Variants in ZNF737 observed in about 807,000 individuals in gnomAD.
ZNF737 encodes the protein zinc finger protein 737, also known as zinc finger protein 102 (Y3).
ZNF737 carries 13 observed loss-of-function variants against 11.7 expected under a neutral mutation model. The ratio of observed to expected loss-of-function variants is 1.11; its 90% CI spans 0.73 to 1.77. The LOEUF (loss-of-function observed/expected upper bound fraction) is 1.77. Ranked by LOEUF, ZNF737 falls within the 40% of genes most tolerant of loss-of-function variation. The probability of loss-of-function intolerance (pLI) is 0.00; values close to 1 mark genes in which losing one functional copy is unlikely to be tolerated. For missense variants in ZNF737, 636 were observed against 638.0 expected (o/e 1.00, Z 0.03); for synonymous variants, 217 against 216.2 (o/e 1.00, Z -0.03).
chr19:20,538,533 T>C lies in ZNF737; in HGVS notation c.*6059A>G. The C allele has an allele frequency of 2.4e-6, 1 of 424,880 alleles. No homozygotes were observed. Among genetic ancestry groups the C allele is most frequent in the Non-Finnish European group, 3.1e-6 (1 of 317,508 alleles). 26.3% of individuals were successfully genotyped at this position (424,880 alleles called of 1,614,324 possible). On this transcript the variant is annotated 3_prime_UTR_variant, in exon 4 of 4. Coordinates refer to ENST00000427401, the MANE Select transcript of ZNF737 (RefSeq NM_001159293.2). ...ATGACTCTGTCTCCTCTGTTCAGTG[T>C]ACTCGTGGCAAAACTGCTTTCTGCA...
rs782147816 is a variant in ZNF737 at position 20,544,766 on chromosome 19, T to C, written c.1437A>G (p.Lys479=). ...TAHKRIHTGE[K]PYKCERCGKA... is the part of the protein sequence containing the mutation. Reference sequence around the variant, plus strand: ...TGCCACATCGTTCACATTTGTAGGGTTTCTCTCCAGTATGAATTCTCTTAT... The same window carrying C: ...TGCCACATCGTTCACATTTGTAGGGCTTCTCTCCAGTATGAATTCTCTTAT... Residue 479 remains lysine, a synonymous_variant, in exon 4 of 4, where the codon AAA becomes AAG. Transcript: ENST00000427401. 42 of 1,609,162 alleles carry C rather than the reference T, an allele frequency of 2.6e-5. No individual in the cohort carries two copies. The East Asian group carries it at 2.7e-4, about 10-fold the overall frequency.
rs532145178 is a variant in ZNF737 at position 20,538,847 on chromosome 19, G to C, written c.*5745C>G. 110 of 984,736 alleles carry C rather than the reference G, an allele frequency of 1.1e-4. No individual in the cohort carries two copies. Among genetic ancestry groups the C allele is most frequent in the Non-Finnish European group, 1.3e-4 (106 of 829,460 alleles). The allele number at this position is 984,736 out of a possible 1,614,324, so 61.0% of individuals were successfully genotyped here. On this transcript the variant is annotated 3_prime_UTR_variant, in exon 4 of 4. Transcript: ENST00000427401. ...TATTTTTTAGCAACTAATGGCATCT[G>C]TTACCCATTAATTTTATACATTTGC...
chr19:20,534,482 T>TATC (rs1230920101), downstream of ZNF737, among the ~76,000 whole-genome samples: 10 of 149,614 alleles, frequency 6.7e-5, no homozygotes, highest in Middle Eastern at 3.6e-3. Flanking sequence ...TCTATCTATC[T>TATC]ATCTATCTAC....
downstream of ZNF737, among the ~76,000 whole-genome samples, chr19:20,536,683 T>C (rs1253826243): frequency 6.6e-6 from 1 of 152,206 alleles, no homozygotes; most frequent in East Asian, 1.9e-4. Context: ...GGCTCACGCC[T>C]GTAATCCCAG....
intron 2 of ZNF737, among the ~76,000 whole-genome samples, chr19:20,553,015 A>ACCCC (rs1568432531): frequency 1.0e-4 from 15 of 148,026 alleles, no homozygotes; most frequent in African/African-American, 3.0e-4. Flanking sequence ...CTGTCCCCGA[A>ACCCC]AAAAAAAAAA....
At chr19:20,558,567 C>CT (rs1968973244) in intron 1 of ZNF737, among the ~76,000 whole-genome samples, 1 of 152,126 alleles carries the variant, frequency 6.6e-6, no homozygotes, top group African/African-American at 2.4e-5. Context: ...GTCTCCAGAT[C>CT]TTTTCCTTCT....
At position 20,539,057 on chromosome 19, in the gene ZNF737, A is replaced by G; in HGVS notation, c.*5535T>C. ...ATGCCTGTAATCCCAGCACTCTGGG[A>G]GGCTGAGGTGGATGGATCACCTGAG... On this transcript the variant is annotated 3_prime_UTR_variant, in exon 4 of 4. Transcript: ENST00000427401. The G allele has an allele frequency of 1.1e-6, 1 of 940,246 alleles. No homozygotes were observed. Among genetic ancestry groups the G allele is most frequent in the Non-Finnish European group, 1.3e-6 (1 of 788,962 alleles). 58.2% of individuals were successfully genotyped at this position (940,246 alleles called of 1,614,324 possible).
In ZNF737 at chr19:20,543,737, G is replaced by T. The variant is rs1968313263; in HGVS notation, c.*855C>A. 11 of 985,200 alleles carry T rather than the reference G, an allele frequency of 1.1e-5. No homozygotes were observed. Among genetic ancestry groups the T allele is most frequent in the Non-Finnish European group, 1.3e-5 (11 of 829,852 alleles). The allele number at this position is 985,200 out of a possible 1,614,324, so 61.0% of individuals were successfully genotyped here. On this transcript the variant is annotated 3_prime_UTR_variant, in exon 4 of 4. Transcript: ENST00000427401. Reference sequence around the variant, plus strand: ...TTCACACTAGTATAATTATTGTTATGTGTAGAGAAGTTGGAGGTGTTCGTA... The same window carrying T: ...TTCACACTAGTATAATTATTGTTATTTGTAGAGAAGTTGGAGGTGTTCGTA...
Position 20,539,781 on chromosome 19 carries a change from A to C in ZNF737, c.*4811T>G. The C allele has an allele frequency of 8.1e-6, 8 of 985,432 alleles. No homozygotes were observed. The highest frequency in any genetic ancestry group is 1.7e-5 in the African/African-American group (1 of 57,366). The allele number at this position is 985,432 out of a possible 1,614,324, so 61.0% of individuals were successfully genotyped here. A position where few individuals can be genotyped will look rare whatever the true frequency, so the allele number is the denominator to read the frequency against. ...TTTAGGACATTACCCACTGGTCTTC[A>C]TGGCATTTCTGTAATAAATAGTGTA... On this transcript the variant is annotated 3_prime_UTR_variant, in exon 4 of 4. Coordinates refer to ENST00000427401, the MANE Select transcript of ZNF737 (RefSeq NM_001159293.2).
At position 20,542,422 on chromosome 19, in the gene ZNF737, G is replaced by A. The variant is rs1311374908; in HGVS notation, c.*2170C>T. 1 of 411,004 alleles carries A rather than the reference G, an allele frequency of 2.4e-6. No homozygotes were observed. Among genetic ancestry groups the A allele is most frequent in the East Asian group, 1.6e-4 (1 of 6,260 alleles). 25.5% of individuals were successfully genotyped at this position (411,004 alleles called of 1,614,324 possible). The stretch of plus-strand genomic sequence containing the variant: ...TTTTTTTGTATTTTTAGTAGAGACT[G>A]GGTTTCTCCATGTTGGTCAGGCTGG... On this transcript the variant is annotated 3_prime_UTR_variant, in exon 4 of 4. Transcript: ENST00000427401.
intron 1 of ZNF737, among the ~76,000 whole-genome samples, chr19:20,559,181 G>A (rs35817837): frequency 0.067 from 10,216 of 152,166 alleles, 448 homozygotes; most frequent in Middle Eastern, 0.12. Flanking sequence ...TTGACAAATG[G>A]GACCTATTTA....
At chr19:20,536,579 G>A (rs931806074), downstream of ZNF737, among the ~76,000 whole-genome samples, 1 of 152,132 alleles carries the variant, frequency 6.6e-6, no homozygotes, top group African/African-American at 2.4e-5. Flanking sequence ...AGAGGCCGAG[G>A]TGGGTAGATC....
Position 20,539,245 on chromosome 19 carries a change from G to A in ZNF737, c.*5347C>T, listed in dbSNP as rs1460403667. 13 of 891,828 alleles carry A rather than the reference G, an allele frequency of 1.5e-5. No homozygotes were observed. The highest frequency in any genetic ancestry group is 1.8e-5 in the African/African-American group (1 of 55,082). 55.2% of individuals were successfully genotyped at this position (891,828 alleles called of 1,614,324 possible). ...GTGGAGGTTGCAGTGAGCTGAGCAC[G>A]TACCATTGCAGTGCAGCGTGAGTGA... On this transcript the variant is annotated 3_prime_UTR_variant, in exon 4 of 4. Coordinates refer to ENST00000427401, the MANE Select transcript of ZNF737 (RefSeq NM_001159293.2).
rs1380500815 is a variant in ZNF737 at position 20,543,470 on chromosome 19, A to C, written c.*1122T>G. On this transcript the variant is annotated 3_prime_UTR_variant, in exon 4 of 4. Coordinates refer to ENST00000427401, the MANE Select transcript of ZNF737 (RefSeq NM_001159293.2). ...AATTGCCATTTTAATGCTTTTATTA[A>C]AAGGAAGATTTTTATGTTGAGTTAG... 1.0e-6 allele frequency: 1 copy of C among 985,266 alleles called. No individual in the cohort carries two copies. The highest frequency in any genetic ancestry group is 1.7e-5 in the African/African-American group (1 of 57,244). The allele number at this position is 985,266 out of a possible 1,614,324, so 61.0% of individuals were successfully genotyped here.
Position 20,559,192 on chromosome 19 carries a change from A to G in ZNF737, c.4-5357T>C, listed in dbSNP as rs117654439. ...AAAATTGACAAATGGGACCTATTTAAACTAAAGCGCTTCTTCACAGCAAAG... is the reference window on the plus strand; with the variant it reads ...AAAATTGACAAATGGGACCTATTTAGACTAAAGCGCTTCTTCACAGCAAAG... On this transcript the variant is annotated intron_variant, in intron 1 of 3. Transcript: ENST00000427401. Among the ~76,000 whole-genome samples, 9 of 152,344 alleles carry G rather than the reference A, an allele frequency of 5.9e-5. No homozygotes were observed. The East Asian group carries it at 1.7e-3, about 29-fold the overall frequency.
downstream of ZNF737, among the ~76,000 whole-genome samples, chr19:20,531,580 C>G (rs1426359764): frequency 6.7e-6 from 1 of 149,340 alleles, no homozygotes; most frequent in Non-Finnish European, 1.5e-5. Context: ...CTCTGCCTCC[C>G]TAGTAGCTGG....
chr19:20,561,043 C>T lies in ZNF737; in HGVS notation c.3+4595G>A, dbSNP rs560240821. Among the ~76,000 whole-genome samples the T allele has an allele frequency of 5.9e-5, 9 of 152,052 alleles. No homozygotes were observed. The East Asian group carries it at 1.7e-3, about 29-fold the overall frequency. On this transcript the variant is annotated intron_variant, in intron 1 of 3. Coordinates refer to ENST00000427401, the MANE Select transcript of ZNF737 (RefSeq NM_001159293.2). The stretch of plus-strand genomic sequence containing the variant: ...CACCAAAACAAACTCATGTGTACCC[C>T]AAAACAAAAATAAAAGCTAAAAGAA...
chr19:20,550,098 T>C (rs536427467), intron 3 of ZNF737, among the ~76,000 whole-genome samples: 1 of 152,256 alleles, frequency 6.6e-6, no homozygotes, highest in South Asian at 2.1e-4. Context: ...TAAATTAGCA[T>C]TTAAAAGAAA....
intron 1 of ZNF737, among the ~76,000 whole-genome samples, chr19:20,559,182 G>T (rs1968993547): frequency 6.6e-6 from 1 of 152,130 alleles, no homozygotes; most frequent in African/African-American, 2.4e-5. Flanking sequence ...TGACAAATGG[G>T]ACCTATTTAA....
Sources: gnomAD v4.1 joint callset for allele counts (sites outside exome capture counted in the v4.1 genomes callset) on GRCh38, gnomAD v4.1.1 for gene constraint, MANE v1.5 for transcripts, NCBI Gene and HGNC (gene_info 2026-07-23, HGNC 2026-07-21) for gene names.